MLH3: variants seen among roughly 807,000 people sequenced by gnomAD.
MLH3 encodes the protein DNA mismatch repair protein Mlh3.
MLH3 carries 82 observed loss-of-function variants against 122.2 expected under a neutral mutation model. The ratio of observed to expected loss-of-function variants is 0.67; its 90% CI spans 0.56 to 0.81. The LOEUF (loss-of-function observed/expected upper bound fraction) is 0.81. MLH3 is among the 30% of genes least tolerant of loss of function. MLH3 has a pLI of 0.00. For missense variants in MLH3, 1,539 were observed against 1,714.5 expected (o/e 0.90, Z 1.81); for synonymous variants, 524 against 599.5 (o/e 0.87, Z 1.84).
Position 75,016,650 on chromosome 14 carries a change from G to C in MLH3, c.*432C>G, listed in dbSNP as rs1022946753. 1.4e-5 allele frequency: 4 copies of C among 290,376 alleles called. No individual in the cohort carries two copies. The highest frequency in any genetic ancestry group is 6.6e-5 in the African/African-American group (3 of 45,756). The allele number at this position is 290,376 out of a possible 1,614,324, so 18.0% of individuals were successfully genotyped here. A position where few individuals can be genotyped will look rare whatever the true frequency, so the allele number is the denominator to read the frequency against. ...GAGGGGACCAGTGCAGAAACCCTGG[G>C]GGCAGCCTGGGAAGGCAGACTACCC... is the stretch of plus-strand genomic sequence containing the variant. On this transcript the variant is annotated 3_prime_UTR_variant, in exon 13 of 13. Transcript: ENST00000355774.
chr14:75,043,241 T>A (rs996681929), intron 2 of MLH3, among the ~76,000 whole-genome samples: 1 of 152,266 alleles, frequency 6.6e-6, no homozygotes, highest in African/African-American at 2.4e-5. Flanking sequence ...GCAGTACTTG[T>A]CAGCCATAAC....
chr14:75,020,027 C>T (rs1218064837), intron 11 of MLH3, among the ~76,000 whole-genome samples: 1 of 152,036 alleles, frequency 6.6e-6, no homozygotes, highest in Non-Finnish European at 1.5e-5. Context: ...GCTTTCCTGG[C>T]AAAGTAGTAT....
intron 2 of MLH3, among the ~76,000 whole-genome samples, chr14:75,044,586 C>T (rs1892088685): frequency 1.3e-5 from 2 of 152,088 alleles, no homozygotes; most frequent in Non-Finnish European, 2.9e-5. Context: ...GCTTTAAGAG[C>T]AACTTGATAG....
At chr14:75,038,501 T>TA in intron 5 of MLH3, 89 bp from the exon 6 acceptor site, 1 of 909,100 alleles carries the variant, frequency 1.1e-6, no homozygotes, top group Non-Finnish European at 1.8e-6. Flanking sequence ...GTATTTTATT[T>TA]AGAGTTGTTT....
In MLH3 at chr14:75,042,175, T is replaced by C. The variant is rs1039966811; in HGVS notation, c.3379+204A>G. Reference sequence around the variant, plus strand: ...ACAGACTATGCATAATCAGCAAATATTGACCTCAAGTCTGGAAAAGTAATT... The same window carrying C: ...ACAGACTATGCATAATCAGCAAATACTGACCTCAAGTCTGGAAAAGTAATT... On this transcript the variant is annotated intron_variant, in intron 3 of 12. Coordinates refer to ENST00000355774, the MANE Select transcript of MLH3 (RefSeq NM_001040108.2). Among the ~76,000 whole-genome samples the C allele has an allele frequency of 3.9e-5, 6 of 152,368 alleles. No individual in the cohort carries two copies. In the East Asian group the frequency reaches 1.2e-3, roughly 29 times the overall value.
rs1892661481 is a variant in MLH3, at chr14:75,051,442, G to C, written c.-126C>G. The stretch of plus-strand genomic sequence containing the variant: ...CCTCGGACGCCGACGCGCGCACCTT[G>C]GATCTTGAGGCTCGTGCGTGCCCAC... On this transcript the variant is annotated 5_prime_UTR_variant, in exon 1 of 13. Coordinates refer to ENST00000355774, the MANE Select transcript of MLH3 (RefSeq NM_001040108.2). 6.6e-6 allele frequency: 1 copy of C among 152,180 alleles called. No homozygotes were observed. Among genetic ancestry groups the C allele is most frequent in the African/African-American group, 2.4e-5 (1 of 41,452 alleles). The allele number at this position is 152,180 out of a possible 1,614,324, so 9.4% of individuals were successfully genotyped here. A position where few individuals can be genotyped will look rare whatever the true frequency, so the allele number is the denominator to read the frequency against.
rs1440764823 is a variant in MLH3, at chr14:75,048,248, T to C, written c.1408A>G (p.Met470Val). ...GCTACAATTGTCTCTTGTTCTAACA[T>C]CTTTGATTCTGAGCAAGAGCTGTCT... ...NKDSSCSESK[M>V]LEQETIVASE... Residue 470 changes from methionine (M) to valine (V), a missense_variant, in exon 2 of 13, where the codon ATG becomes GTG. By Grantham distance (21) the Met-to-Val change is conservative (BLOSUM62 1). Coordinates refer to ENST00000355774, the MANE Select transcript of MLH3 (RefSeq NM_001040108.2). The C allele has an allele frequency of 5.6e-6, 9 of 1,613,906 alleles. No homozygotes were observed. The South Asian group carries it at 8.8e-5, about 16-fold the overall frequency.
chr14:75,039,948 G>A lies in MLH3; in HGVS notation c.3533C>T (p.Pro1178Leu), dbSNP rs766339712. 3 of 1,589,132 alleles carry A rather than the reference G, an allele frequency of 1.9e-6. No individual in the cohort carries two copies. Among genetic ancestry groups the A allele is most frequent in the African/African-American group, 1.4e-5 (1 of 72,878 alleles). The change falls in exon 5 of 13, where the codon CCC becomes CTC. Residue 1178 changes from proline to leucine, a missense_variant. By Grantham distance (98) the Pro-to-Leu change is moderately conservative (BLOSUM62 -3). Transcript: ENST00000355774. Reference sequence around the variant, plus strand: ...AATCATTCCTTTGGTGAAACGATAGGGATACAAGATGTTGTGAATTTTAAC... The same window carrying A: ...AATCATTCCTTTGGTGAAACGATAGAGATACAAGATGTTGTGAATTTTAAC... ...LAVKIHNILY[P>L]YRFTKGMIHS...
intron 7 of MLH3, 139 bp from the exon 8 acceptor site, chr14:75,032,318 A>G: frequency 1.5e-6 from 1 of 679,804 alleles, no homozygotes; most frequent in Non-Finnish European, 2.7e-6. Context: ...TTGGATTTCC[A>G]TTTTTAAAGT....
chr14:75,041,842 C>T, intron 3 of MLH3, 142 bp from the exon 4 acceptor site: 1 of 699,536 alleles, frequency 1.4e-6, no homozygotes. Context: ...TCAGTGTTTG[C>T]TGTATCTCTA....
chr14:75,048,881 C>T lies in MLH3; in HGVS notation c.775G>A (p.Val259Ile). The T allele has an allele frequency of 6.2e-7, 1 of 1,613,982 alleles. No individual in the cohort carries two copies. The highest frequency in any genetic ancestry group is 1.1e-5 in the South Asian group (1 of 91,026). Residue 259 changes from valine to isoleucine, a missense_variant, in exon 2 of 13, where the codon GTT (valine) becomes ATT (isoleucine). Physicochemically the swap from Val to Ile is conservative, Grantham distance 29 (BLOSUM62 3). Coordinates refer to ENST00000355774, the MANE Select transcript of MLH3 (RefSeq NM_001040108.2). ...AGTTTATGTAGCTTTGTCCTTAAAA[C>T]TAGTCTTTTGTTCACAAACAAAAAC... ...MQFLFVNKRL[V>I]LRTKLHKLID...
chr14:75,038,476 G>C (rs1377590282), intron 5 of MLH3, 64 bp from the exon 6 acceptor site: 9 of 1,006,328 alleles, frequency 8.9e-6, no homozygotes, highest in Middle Eastern at 2.0e-4. Flanking sequence ...TATTTGCATA[G>C]AAAGATACAG....
At chr14:75,038,509 T>C in intron 5 of MLH3, 97 bp from the exon 6 acceptor site, 1 of 863,828 alleles carries the variant, frequency 1.2e-6, no homozygotes, top group South Asian at 1.3e-5. Context: ...TTTAGAGTTG[T>C]TTGCCTTATC....
intron 6 of MLH3, 33 bp downstream of exon 6, chr14:75,038,307 T>A: frequency 1.4e-6 from 2 of 1,468,190 alleles, no homozygotes. Context: ...GAAGACCAGC[T>A]GGTTAATCAT....
intron 6 of MLH3, among the ~76,000 whole-genome samples, chr14:75,035,969 C>T (rs1891375733): frequency 6.6e-6 from 1 of 152,192 alleles, no homozygotes; most frequent in Non-Finnish European, 1.5e-5. Context: ...CCTGTCTATT[C>T]TCTGAAACAG....
intron 9 of MLH3, among the ~76,000 whole-genome samples, chr14:75,025,436 T>C (rs1890567815): frequency 6.6e-6 from 1 of 152,140 alleles, no homozygotes; most frequent in Non-Finnish European, 1.5e-5. Context: ...CTTTCCTTAG[T>C]TTTGGCAATA....
At chr14:75,042,273 G>A (rs1891905848) in intron 3 of MLH3, 106 bp downstream of exon 3, 1 of 940,540 alleles carries the variant, frequency 1.1e-6, no homozygotes, top group Non-Finnish European at 1.7e-6. Context: ...CCTGATTCCA[G>A]TACAGCACAG....
At chr14:75,024,393 G>T (rs949252347) in intron 9 of MLH3, among the ~76,000 whole-genome samples, 1 of 152,150 alleles carries the variant, frequency 6.6e-6, no homozygotes, top group African/African-American at 2.4e-5. Context: ...TAGAGACAGG[G>T]TTTCTCCATG....
At chr14:75,032,427 T>C (rs1173284683) in intron 7 of MLH3, among the ~76,000 whole-genome samples, 1 of 152,184 alleles carries the variant, frequency 6.6e-6, no homozygotes, top group African/African-American at 2.4e-5. Context: ...CAAGCCAATG[T>C]TCCTGTAGTT....
Sources: gnomAD v4.1 joint callset for allele counts (sites outside exome capture counted in the v4.1 genomes callset) on GRCh38, gnomAD v4.1.1 for gene constraint, MANE v1.5 for transcripts, NCBI Gene and HGNC (gene_info 2026-07-23, HGNC 2026-07-21) for gene names.